The following HOXC5 variants were observed in gnomAD, a reference collection of about 807,000 sequenced individuals.
HOXC5 encodes the protein homeobox C5.
HOXC5 carries 19 observed loss-of-function variants against 20.1 expected under a neutral mutation model. The observed-to-expected ratio is 0.94, with a 90% CI of 0.66 to 1.38. The LOEUF (loss-of-function observed/expected upper bound fraction) is 1.38. HOXC5 is among the 40% of genes most tolerant of loss of function. The probability of loss-of-function intolerance (pLI) is 0.00; values close to 1 mark genes in which losing one functional copy is unlikely to be tolerated. For synonymous variants in HOXC5, 124 were observed against 117.0 expected, an observed-to-expected ratio of 1.06 and a Z score of -0.39; for missense variants, 330 against 300.1, an observed-to-expected ratio of 1.10 and a Z score of -0.74.
At chr12:54,029,058 C>T (rs952440673), upstream of HOXC5, 3 of 849,364 alleles carry the variant, frequency 3.5e-6, no homozygotes, top group Admixed American at 2.9e-5. Flanking sequence ...CGAGACAGGG[C>T]CCCCTCTTCT....
chr12:54,027,985 A>C, the HOXC5 span, among the ~76,000 whole-genome samples: 2 of 152,160 alleles, frequency 1.3e-5, no homozygotes, highest in Admixed American at 1.3e-4. Flanking sequence ...GATTTCCTGC[A>C]GGATTTCTAG....
upstream of HOXC5, chr12:54,029,961 G>T: frequency 6.4e-7 from 1 of 1,557,624 alleles, no homozygotes; most frequent in South Asian, 1.2e-5. Flanking sequence ...CAGAAAGAGT[G>T]ACCAGGACTG....
At chr12:54,017,907 C>T in the HOXC5 span, among the ~76,000 whole-genome samples, 1 of 152,164 alleles carries the variant, frequency 6.6e-6, no homozygotes, top group African/African-American at 2.4e-5. Flanking sequence ...TGTCTGGCAG[C>T]CCCCTCCCTC....
At chr12:54,034,013 G>A (rs539020510) in intron 1 of HOXC5, 14 of 665,696 alleles carry the variant, frequency 2.1e-5, no homozygotes, top group South Asian at 9.0e-5. Context: ...TGTTCGGTCC[G>A]AGCCTGGGTC....
At chr12:54,028,409 A>T (rs1326506341), upstream of HOXC5, 3 of 1,230,106 alleles carry the variant, frequency 2.4e-6, no homozygotes, top group African/African-American at 4.6e-5. Flanking sequence ...TGACTTTGTC[A>T]TTTTGTCTGT....
chr12:54,019,781 G>A, the HOXC5 span: 1 of 151,996 alleles, frequency 6.6e-6, no homozygotes, highest in African/African-American at 2.4e-5. Flanking sequence ...GTTCGAGGTT[G>A]GCCGCTTAAC....
At chr12:54,026,925 A>G in the HOXC5 span, among the ~76,000 whole-genome samples, 7 of 150,354 alleles carry the variant, frequency 4.7e-5, no homozygotes, top group East Asian at 5.9e-4. Flanking sequence ...GGTTCTTGTT[A>G]TAGCCAGCTT....
At chr12:54,028,269 T>TA (rs1565740843), upstream of HOXC5, 117 of 72,304 alleles carry the variant, frequency 1.6e-3, no homozygotes, top group Middle Eastern at 5.7e-3. Flanking sequence ...ATATATATAT[T>TA]TTTTAAAAGA....
At chr12:54,025,365 A>G in the HOXC5 span, among the ~76,000 whole-genome samples, 1 of 152,162 alleles carries the variant, frequency 6.6e-6, no homozygotes, top group Non-Finnish European at 1.5e-5. Flanking sequence ...TAAAATTAAC[A>G]TGAAATGGGA....
At chr12:54,026,776 C>A in the HOXC5 span, among the ~76,000 whole-genome samples, 1 of 152,224 alleles carries the variant, frequency 6.6e-6, no homozygotes, top group Non-Finnish European at 1.5e-5. Flanking sequence ...TAGCGACACT[C>A]CAGGGAAACC....
chr12:54,028,160 C>G (rs1251918915), upstream of HOXC5, among the ~76,000 whole-genome samples: 1 of 152,014 alleles, frequency 6.6e-6, no homozygotes. Context: ...TGAGAGATTT[C>G]CTGGTAGTAC....
chr12:54,021,965 G>A, the HOXC5 span: 3 of 152,366 alleles, frequency 2.0e-5, no homozygotes, highest in African/African-American at 7.2e-5. Context: ...TTTCGGAGGG[G>A]AGGAAGCAGA....
chr12:54,018,082 C>T, the HOXC5 span, among the ~76,000 whole-genome samples: 1 of 152,060 alleles, frequency 6.6e-6, no homozygotes, highest in Non-Finnish European at 1.5e-5. Context: ...AGCGTCTGCC[C>T]ACCCCCTGCT....
At chr12:54,026,965 G>GT in the HOXC5 span, among the ~76,000 whole-genome samples, 557 of 45,172 alleles carry the variant, frequency 0.012, 4 homozygotes, top group Non-Finnish European at 0.019. Flanking sequence ...CAAAAATGGT[G>GT]GGGGGGGGGG....
Position 54,033,161 on chromosome 12 carries a change from C to A in HOXC5, c.39C>A (p.Ser13Arg), listed in dbSNP as rs763364952. Reference protein sequence around the residue: ...SYVANSFYKQSPNIPAYNMQT... With the variant: ...SYVANSFYKQRPNIPAYNMQT... The stretch of plus-strand genomic sequence containing the variant: ...TAGCCAATTCATTCTATAAGCAGAG[C>A]CCCAATATCCCTGCCTATAACATGC... The change falls in exon 1 of 2, where the codon AGC (serine) becomes AGA (arginine). Residue 13 changes from serine (S) to arginine (R), a missense_variant. Transcript: ENST00000312492. The A allele has an allele frequency of 1.2e-6, 2 of 1,614,042 alleles. No homozygotes were observed. The highest frequency in any genetic ancestry group is 4.5e-5 in the East Asian group (2 of 44,872).
chr12:54,026,967 G>T, the HOXC5 span, among the ~76,000 whole-genome samples: 81 of 95,638 alleles, frequency 8.5e-4, no homozygotes, highest in Middle Eastern at 0.021. Flanking sequence ...AAAATGGTGG[G>T]GGGGGGGGGA....
chr12:54,033,588 G>T lies in HOXC5; in HGVS notation c.454+12G>T. ...GCACATGAGCCACGGTAAACTTTAG[G>T]ACTTCATTTTGCGCTCTCGGGTCCG... is the stretch of plus-strand genomic sequence containing the variant. On this transcript the variant is annotated intron_variant, in intron 1 of 1. Coordinates refer to ENST00000312492, the MANE Select transcript of HOXC5 (RefSeq NM_018953.4). The T allele has an allele frequency of 6.5e-7, 1 of 1,545,634 alleles. No homozygotes were observed.
chr12:54,031,134 T>G (rs948621418), upstream of HOXC5, among the ~76,000 whole-genome samples: 1 of 152,256 alleles, frequency 6.6e-6, no homozygotes, highest in African/African-American at 2.4e-5. Flanking sequence ...CCTTTCTTCC[T>G]GCCTGTGGCA....
the HOXC5 span, among the ~76,000 whole-genome samples, chr12:54,018,248 C>T: frequency 0.023 from 3,494 of 152,352 alleles, 68 homozygotes; most frequent in Non-Finnish European, 0.037. Context: ...GTCCGGCGCC[C>T]CTCACCCCCA....
Sources: allele counts gnomAD v4.1 joint callset (sites outside exome capture counted in the v4.1 genomes callset), GRCh38; gene constraint gnomAD v4.1.1; transcripts MANE v1.5; gene names NCBI Gene and HGNC (gene_info 2026-07-23, HGNC 2026-07-21).